The following IRF9 variants were observed in gnomAD, a reference collection of about 807,000 sequenced individuals.
The protein encoded by IRF9 is IFN-alpha-responsive transcription factor subunit.
A neutral mutation model predicts 44.1 loss-of-function variants in IRF9; 13 were observed. That is an observed-to-expected ratio of 0.29 (90% CI 0.19 to 0.47). The LOEUF is 0.47. IRF9 is among the 20% of genes least tolerant of loss of function. The pLI is 1.00. For synonymous variants in IRF9, 189 were observed against 188.5 expected, an observed-to-expected ratio of 1.00 and a Z score of -0.02; for missense variants, 373 against 496.1, an observed-to-expected ratio of 0.75 and a Z score of 2.36.
chr14:24,161,403 G>A (rs1244687244), intron 1 of IRF9, 65 bp downstream of exon 1: 1 of 152,448 alleles, frequency 6.6e-6, no homozygotes, highest in Non-Finnish European at 1.5e-5. Flanking sequence ...CCAGATTGAG[G>A]GCAGGGGGTC....
rs751598576 is a variant in IRF9, at chr14:24,163,880, G to C, written c.498G>C (p.Glu166Asp). Residue 166 changes from glutamate to aspartate, a missense_variant and splice_region_variant, in exon 5 of 9, where the codon GAG becomes GAC. Physicochemically the swap from Glu to Asp is conservative, Grantham distance 45. Around this residue, in one of 2 missense-constraint regions of IRF9, gnomAD observed 227 missense variants for 255.3 expected, o/e 0.89. Coordinates refer to ENST00000396864, the MANE Select transcript of IRF9 (RefSeq NM_006084.5). ...PSVLQDSLNN[E>D]EEGASGGAVH... ...ATAAAAAGACACTGTGTCCGCAGGAGGAGGAGGGGGCCAGTGGGGGAGCAG... is the reference window on the plus strand; with the variant it reads ...ATAAAAAGACACTGTGTCCGCAGGACGAGGAGGGGGCCAGTGGGGGAGCAG... The C allele has an allele frequency of 6.3e-7, 1 of 1,591,200 alleles. No individual in the cohort carries two copies. The highest frequency in any genetic ancestry group is 8.5e-7 in the Non-Finnish European group (1 of 1,174,584).
At chr14:24,165,793 T>C (rs1182042851) in intron 7 of IRF9, 54 bp from the exon 8 acceptor site, 1 of 1,280,754 alleles carries the variant, frequency 7.8e-7, no homozygotes. Context: ...CCTCCCTGCC[T>C]GTGGCCCTCT....
At position 24,166,140 on chromosome 14, in the gene IRF9, C is replaced by T. The variant is rs753872905; in HGVS notation, c.1126C>T (p.Arg376Ter). Reference protein sequence around the residue: ...ITVKMEQAFARYLLEQTPEQQ... With the variant: ...ITVKMEQAFA ...AATACAGATGGAGCAGGCCTTTGCCCGATACTTGCTGGAGCAGACTCCAGA... is the reference window on the plus strand; with the variant it reads ...AATACAGATGGAGCAGGCCTTTGCCTGATACTTGCTGGAGCAGACTCCAGA... The change falls in exon 9 of 9, where the codon CGA becomes TGA. Residue 376 changes from arginine to a stop codon, truncating the protein, a stop_gained. Transcript: ENST00000396864. LOFTEE classifies it high-confidence loss of function. 1.2e-6 allele frequency: 2 copies of T among 1,613,916 alleles called. No homozygotes were observed. Among genetic ancestry groups the T allele is most frequent in the Non-Finnish European group, 1.7e-6 (2 of 1,180,004 alleles).
intron 2 of IRF9, chr14:24,162,747 C>T (rs2038475782): frequency 1.7e-5 from 9 of 522,426 alleles, no homozygotes; most frequent in Admixed American, 3.5e-5. Context: ...TGTAGTGAGT[C>T]GAGATCGCAC....
Position 24,165,926 on chromosome 14 carries a change from C to G in IRF9, c.1071C>G (p.Gly357=), listed in dbSNP as rs1158810277. 6.2e-7 allele frequency: 1 copy of G among 1,614,088 alleles called. No individual in the cohort carries two copies. The highest frequency in any genetic ancestry group is 1.3e-5 in the African/African-American group (1 of 74,950). ...TGAATTTCTGGGAAGAGAGCCATGG[C>G]TCCAGCCATACTCCACAGAATCTTA... The part of the protein sequence containing the change: ...VTLNFWEESH[G]SSHTPQNLIT... The change falls in exon 8 of 9, where the codon GGC becomes GGG. Residue 357 remains glycine, a synonymous_variant. Coordinates refer to ENST00000396864, the MANE Select transcript of IRF9 (RefSeq NM_006084.5).
rs368719985 is a variant in IRF9 at position 24,163,411 on chromosome 14, G to A, written c.398G>A (p.Arg133Gln). 2.8e-5 allele frequency: 45 copies of A among 1,613,992 alleles called. No individual in the cohort carries two copies. The highest frequency in any genetic ancestry group is 3.3e-4 in the Middle Eastern group (2 of 6,084). Residue 133 changes from arginine (R) to glutamine (Q), a missense_variant, in exon 4 of 9, where the codon CGA becomes CAA. Around this residue, in one of 2 missense-constraint regions of IRF9, gnomAD observed 227 missense variants for 255.3 expected, o/e 0.89. Coordinates refer to ENST00000396864, the MANE Select transcript of IRF9 (RefSeq NM_006084.5). The part of the protein sequence containing the change: ...QPGTQKVPSK[R>Q]QHSSVSSERK... ...GGGACTCAGAAAGTACCATCAAAGCGACAGCACAGTTCTGTGTCCTCTGAG... is the reference window on the plus strand; with the variant it reads ...GGGACTCAGAAAGTACCATCAAAGCAACAGCACAGTTCTGTGTCCTCTGAG...
rs184582666 is a variant in IRF9, at chr14:24,164,409, C to T, written c.650-205C>T. 13 of 608,404 alleles carry T rather than the reference C, an allele frequency of 2.1e-5. No individual in the cohort carries two copies. The East Asian group carries it at 3.1e-4, about 14-fold the overall frequency. The allele number at this position is 608,404 out of a possible 1,614,324, so 37.7% of individuals were successfully genotyped here. ...AAACAGAGGCCCAATCTCAAGGGAC[C>T]TTCTAGTAAACTACAAGCCCCTGGG... On this transcript the variant is annotated intron_variant, in intron 6 of 8. Transcript: ENST00000396864. This position sits in a 1 kb window ranked among gnomAD's most constrained non-coding sequence, Gnocchi z 5.2.
Position 24,164,186 on chromosome 14 carries a change from A to G in IRF9, c.649+52A>G. 4 of 1,445,906 alleles carry G rather than the reference A, an allele frequency of 2.8e-6. No homozygotes were observed. The highest frequency in any genetic ancestry group is 2.9e-6 in the Non-Finnish European group (3 of 1,027,418). The allele number at this position is 1,445,906 out of a possible 1,614,324, so 89.6% of individuals were successfully genotyped here. ...GTGCCCTGTGCCCCTGAGGTCTTCC[A>G]CCTTTGACTATGCATGCATTATCTA... On this transcript the variant is annotated intron_variant, in intron 6 of 8. Coordinates refer to ENST00000396864, the MANE Select transcript of IRF9 (RefSeq NM_006084.5). The surrounding 1 kb of genome is among the most constrained non-coding windows in gnomAD (Gnocchi z 5.2).
chr14:24,165,266 G>A, intron 7 of IRF9: 2 of 692,602 alleles, frequency 2.9e-6, no homozygotes, highest in Non-Finnish European at 5.3e-6. Context: ...GTGCACAGAA[G>A]AATTGGCACA....
In IRF9 at chr14:24,163,005, A is replaced by T; in HGVS notation, c.220A>T (p.Thr74Ser). 1 of 1,614,094 alleles carries T rather than the reference A, an allele frequency of 6.2e-7. No homozygotes were observed. The highest frequency in any genetic ancestry group is 8.5e-7 in the Non-Finnish European group (1 of 1,180,022). Reference sequence around the variant, plus strand: ...TAAGGGAAAGTATAAGGAGGGGGACACAGGAGGTCCAGCTGTCTGGAAGAC... The same window carrying T: ...TAAGGGAAAGTATAAGGAGGGGGACTCAGGAGGTCCAGCTGTCTGGAAGAC... ...IFKGKYKEGD[T>S]GGPAVWKTRL... Residue 74 changes from threonine to serine, a missense_variant, in exon 3 of 9, where the codon ACA becomes TCA. By Grantham distance (58) the Thr-to-Ser change is moderately conservative. This residue lies in a region of IRF9 where 227 missense variants were observed against 255.3 expected (regional missense o/e 0.89). Transcript: ENST00000396864.
Position 24,166,520 on chromosome 14 carries a change from T to C in IRF9, c.*324T>C. 2.3e-6 allele frequency: 1 copy of C among 439,346 alleles called. No homozygotes were observed. Among genetic ancestry groups the C allele is most frequent in the Admixed American group, 4.0e-5 (1 of 25,118 alleles). The allele number at this position is 439,346 out of a possible 1,614,324, so 27.2% of individuals were successfully genotyped here. ...AGCCAAGCACTTTATATTTTCCTCT[T>C]AGATATTCACTAAGGACTTAAAATA... On this transcript the variant is annotated 3_prime_UTR_variant, in exon 9 of 9. Transcript: ENST00000396864.
Position 24,166,530 on chromosome 14 carries a change from C to A in IRF9, c.*334C>A. 2.4e-6 allele frequency: 1 copy of A among 415,540 alleles called. No homozygotes were observed. Among genetic ancestry groups the A allele is most frequent in the Non-Finnish European group, 4.2e-6 (1 of 236,004 alleles). The allele number at this position is 415,540 out of a possible 1,614,324, so 25.7% of individuals were successfully genotyped here. A position where few individuals can be genotyped will look rare whatever the true frequency, so the allele number is the denominator to read the frequency against. ...TTTATATTTTCCTCTTAGATATTCA[C>A]TAAGGACTTAAAATAAAATTTTATT... is the stretch of plus-strand genomic sequence containing the variant. On this transcript the variant is annotated 3_prime_UTR_variant, in exon 9 of 9. Transcript: ENST00000396864.
chr14:24,163,634 C>T lies in IRF9; in HGVS notation c.495+126C>T, dbSNP rs573030524. The T allele has an allele frequency of 2.9e-5, 33 of 1,152,396 alleles. No individual in the cohort carries two copies. The South Asian group carries it at 3.0e-4, about 10-fold the overall frequency. The allele number at this position is 1,152,396 out of a possible 1,614,324, so 71.4% of individuals were successfully genotyped here. On this transcript the variant is annotated intron_variant, in intron 4 of 8. Coordinates refer to ENST00000396864, the MANE Select transcript of IRF9 (RefSeq NM_006084.5). ...GGCAGATCACGTGAGGTCAGAAGTT[C>T]GAAACCAGCCTCGACCAACATGGTG...
At chr14:24,162,677 G>A (rs779914174) in intron 2 of IRF9, 3 of 445,234 alleles carry the variant, frequency 6.7e-6, no homozygotes, top group Non-Finnish European at 1.2e-5. Context: ...GTGCATGCCT[G>A]TAGTCCCAGC....
At chr14:24,165,424 T>C (rs538790680) in intron 7 of IRF9, 2 of 582,650 alleles carry the variant, frequency 3.4e-6, no homozygotes, top group Admixed American at 5.8e-5. Context: ...TTCCAGCTCC[T>C]ACTCAATTCT....
intron 4 of IRF9, 151 bp from the exon 5 acceptor site, chr14:24,163,727 A>T: frequency 1.1e-6 from 1 of 902,738 alleles, no homozygotes; most frequent in Non-Finnish European, 1.7e-6. Context: ...AATCCCAGCT[A>T]CTCAGGAGGC....
Position 24,164,818 on chromosome 14 carries a change from C to G in IRF9, c.854C>G (p.Pro285Arg). The G allele has an allele frequency of 3.1e-6, 5 of 1,609,848 alleles. No individual in the cohort carries two copies. The highest frequency in any genetic ancestry group is 4.2e-6 in the Non-Finnish European group (5 of 1,179,970). Residue 285 changes from proline to arginine, a missense_variant, in exon 7 of 9, where the codon CCC becomes CGC. By Grantham distance (103) the Pro-to-Arg change is moderately radical. Around this residue, in one of 2 missense-constraint regions of IRF9, gnomAD observed 146 missense variants for 240.8 expected, o/e 0.61. Coordinates refer to ENST00000396864, the MANE Select transcript of IRF9 (RefSeq NM_006084.5). The surrounding 1 kb of genome is among the most constrained non-coding windows in gnomAD (Gnocchi z 5.2). ...AGGGGCATCCTAGTGGCCAGCAACCCCCGAGGCCTCTTCGTGCAGCGCCTT... is the reference window on the plus strand; with the variant it reads ...AGGGGCATCCTAGTGGCCAGCAACCGCCGAGGCCTCTTCGTGCAGCGCCTT... ...LERGILVASNPRGLFVQRLCP... is the reference protein window; with the variant it reads ...LERGILVASNRRGLFVQRLCP...
Position 24,164,228 on chromosome 14 carries a change from A to G in IRF9, c.649+94A>G. The G allele has an allele frequency of 9.3e-7, 1 of 1,077,542 alleles. No homozygotes were observed. The highest frequency in any genetic ancestry group is 1.4e-6 in the Non-Finnish European group (1 of 699,464). The allele number at this position is 1,077,542 out of a possible 1,614,324, so 66.7% of individuals were successfully genotyped here. On this transcript the variant is annotated intron_variant, in intron 6 of 8. Coordinates refer to ENST00000396864, the MANE Select transcript of IRF9 (RefSeq NM_006084.5). This position sits in a 1 kb window ranked among gnomAD's most constrained non-coding sequence, Gnocchi z 5.2. ...CATTATCTAGTCAGTCAGGGCTTAC[A>G]GCAAACTGTACCCACATTACCATAG...
intron 5 of IRF9, 22 bp downstream of exon 5, chr14:24,163,981 G>C (rs766556162): frequency 1.2e-6 from 2 of 1,609,530 alleles, no homozygotes; most frequent in South Asian, 2.2e-5. Flanking sequence ...CCTGCCTCTT[G>C]TGTCGTCCCC....
Sources: allele counts gnomAD v4.1 joint callset, GRCh38; gene constraint gnomAD v4.1.1; regional missense constraint gnomAD v4.1.1; non-coding constraint Gnocchi (gnomAD v3.1); transcripts MANE v1.5; gene names NCBI Gene and HGNC (gene_info 2026-07-23, HGNC 2026-07-21).